Variants in MDGA2 observed in about 807,000 individuals in gnomAD.
The protein encoded by MDGA2 is MAM domain containing glycosylphosphatidylinositol anchor 2.
MDGA2 carries 40 observed loss-of-function variants against 117.8 expected under a neutral mutation model. The observed-to-expected ratio is 0.34, with a 90% confidence interval of 0.26 to 0.44. MDGA2 has a LOEUF of 0.44. MDGA2 is among the 20% of genes least tolerant of loss of function. The pLI is 1.00. For synonymous variants in MDGA2, 452 were observed against 439.0 expected, an observed-to-expected ratio of 1.03 and a Z score of -0.37; for missense variants, 1,123 against 1,250.6, an observed-to-expected ratio of 0.90 and a Z score of 1.54.
chr14:47,519,276 C>A (rs1038077205), intron 1 of MDGA2, among the ~76,000 whole-genome samples: 1 of 152,108 alleles, frequency 6.6e-6, no homozygotes, highest in Non-Finnish European at 1.5e-5. Context: ...GTTTTTAGTT[C>A]TTAATCTATT....
chr14:47,474,274 T>C (rs985741885), intron 1 of MDGA2, among the ~76,000 whole-genome samples: 5 of 151,976 alleles, frequency 3.3e-5, no homozygotes, highest in African/African-American at 1.2e-4. Flanking sequence ...ACAGCTAACA[T>C]GGGAACTGAA....
intron 4 of MDGA2, among the ~76,000 whole-genome samples, chr14:47,143,645 T>A (rs189941020): frequency 3.3e-5 from 5 of 152,180 alleles, no homozygotes; most frequent in Non-Finnish European, 5.9e-5. Context: ...TAAAGACATA[T>A]CTTTCCTAAA....
At chr14:47,011,549 T>A (rs1054516053) in intron 8 of MDGA2, among the ~76,000 whole-genome samples, 4 of 151,986 alleles carry the variant, frequency 2.6e-5, no homozygotes, top group African/African-American at 9.7e-5. Context: ...CACTGGGAGT[T>A]CTAGAAATAA....
intron 1 of MDGA2, among the ~76,000 whole-genome samples, chr14:47,561,514 A>G (rs1443945558): frequency 1.3e-5 from 2 of 151,940 alleles, no homozygotes; most frequent in Non-Finnish European, 2.9e-5. Flanking sequence ...TACATTCTTG[A>G]TTTGGCTCCC....
At chr14:47,193,123 G>C (rs1349443665) in intron 3 of MDGA2, among the ~76,000 whole-genome samples, 1 of 151,988 alleles carries the variant, frequency 6.6e-6, no homozygotes, top group African/African-American at 2.4e-5. Flanking sequence ...ATCTTTCTTG[G>C]AAAACTTTCT....
At chr14:46,892,289 T>A (rs913239820) in intron 10 of MDGA2, among the ~76,000 whole-genome samples, 3 of 151,112 alleles carry the variant, frequency 2.0e-5, no homozygotes, top group African/African-American at 7.3e-5. Context: ...GTAAATAGTG[T>A]GGGAAAATGA....
intron 3 of MDGA2, among the ~76,000 whole-genome samples, chr14:47,165,983 C>T (rs568451342): frequency 5.0e-4 from 75 of 151,276 alleles, no homozygotes; most frequent in Non-Finnish European, 9.0e-4. Flanking sequence ...TACACCTATA[C>T]ACCCTTTTCT....
At chr14:47,608,229 G>A (rs1896776415) in intron 1 of MDGA2, among the ~76,000 whole-genome samples, 1 of 152,134 alleles carries the variant, frequency 6.6e-6, no homozygotes, top group Admixed American at 6.6e-5. Context: ...ATAAGCACAA[G>A]TAGTTCCTCG....
chr14:47,053,648 T>TACACAC (rs1566595404), intron 7 of MDGA2, among the ~76,000 whole-genome samples: 4 of 42,238 alleles, frequency 9.5e-5, no homozygotes, highest in Non-Finnish European at 1.4e-4. Context: ...TATATATATA[T>TACACAC]ATATATACAC....
In MDGA2 at chr14:47,431,280, G is replaced by T. The variant is rs191951848; in HGVS notation, c.281-129730C>A. 2.2e-3 allele frequency among the ~76,000 whole-genome samples: 341 copies of T among 151,842 alleles called. 3 individuals carry two copies. Among genetic ancestry groups the T allele is most frequent in the African/African-American group, 7.9e-3 (329 of 41,400 alleles). On this transcript the variant is annotated intron_variant, in intron 1 of 16. Transcript: ENST00000399232. ...ACTCAGCTTTGAAAATGGACTCACG[G>T]TGTAAGTTTTAATCATCAGTTTAGG...
intron 1 of MDGA2, among the ~76,000 whole-genome samples, chr14:47,381,898 T>C (rs1349106957): frequency 2.6e-5 from 4 of 152,094 alleles, no homozygotes; most frequent in Non-Finnish European, 4.4e-5. Flanking sequence ...GAGCCCACAT[T>C]GCCAAGACAA....
chr14:47,133,262 C>A (rs1882297238), intron 4 of MDGA2, among the ~76,000 whole-genome samples: 1 of 151,802 alleles, frequency 6.6e-6, no homozygotes, highest in African/African-American at 2.4e-5. Flanking sequence ...TAAAACTATT[C>A]TCTTGTGTTA....
At chr14:47,064,512 A>G (rs566654918) in intron 6 of MDGA2, among the ~76,000 whole-genome samples, 20 of 152,200 alleles carry the variant, frequency 1.3e-4, no homozygotes, top group Non-Finnish European at 2.8e-4. Context: ...TTGTTTTCTT[A>G]CTTAGCTCAG....
Position 47,189,499 on chromosome 14 carries a change from C to T in MDGA2, c.595+28522G>A, listed in dbSNP as rs75233556. 2.7e-3 allele frequency among the ~76,000 whole-genome samples: 404 copies of T among 152,090 alleles called. 2 individuals carry two copies. The highest frequency in any genetic ancestry group is 9.4e-3 in the African/African-American group (389 of 41,474). ...TTATGGCAACCACAGCTGCTGATATCGAGTCAGGTGTCATTTCTATTCCTC... is the reference window on the plus strand; with the variant it reads ...TTATGGCAACCACAGCTGCTGATATTGAGTCAGGTGTCATTTCTATTCCTC... On this transcript the variant is annotated intron_variant, in intron 3 of 16. Transcript: ENST00000399232.
chr14:47,235,430 G>A (rs887916125), intron 2 of MDGA2, among the ~76,000 whole-genome samples: 4 of 152,128 alleles, frequency 2.6e-5, no homozygotes, highest in Non-Finnish European at 4.4e-5. Context: ...ACAACTAATG[G>A]CAATTCAGAC....
At chr14:46,958,807 T>C (rs1028607741) in intron 8 of MDGA2, among the ~76,000 whole-genome samples, 12 of 152,254 alleles carry the variant, frequency 7.9e-5, no homozygotes, top group African/African-American at 2.7e-4. Flanking sequence ...TGTAGTCAGA[T>C]AAAATAGTCC....
intron 3 of MDGA2, among the ~76,000 whole-genome samples, chr14:47,158,359 GGTGGGT>G (rs1196199328): frequency 3.5e-4 from 42 of 119,980 alleles, no homozygotes; most frequent in Admixed American, 9.7e-4. Context: ...ATATCCCTGG[GGTGGGT>G]GTGTGTGTGT....
At chr14:47,183,479 GATGGTTC>G (rs1469904629) in intron 3 of MDGA2, among the ~76,000 whole-genome samples, 1 of 152,078 alleles carries the variant, frequency 6.6e-6, no homozygotes, top group Non-Finnish European at 1.5e-5. Context: ...AGGTTGATAA[GATGGTTC>G]ATGATCTGCC....
intron 1 of MDGA2, among the ~76,000 whole-genome samples, chr14:47,656,794 A>T (rs1358035998): frequency 6.6e-6 from 1 of 152,150 alleles, no homozygotes; most frequent in African/African-American, 2.4e-5. Flanking sequence ...CAATTCTACA[A>T]GTCCTCCATC....
Sources: allele counts gnomAD v4.1 joint callset (sites outside exome capture counted in the v4.1 genomes callset), GRCh38; gene constraint gnomAD v4.1.1; transcripts MANE v1.5; gene names NCBI Gene and HGNC (gene_info 2026-07-23, HGNC 2026-07-21).